GPHN: variants seen among roughly 807,000 people sequenced by gnomAD.
The protein encoded by GPHN is gephyrin.
A neutral mutation model predicts 95.5 loss-of-function variants in GPHN; 17 were observed. That is an observed-to-expected ratio of 0.18 (90% CI 0.12 to 0.27). The LOEUF (loss-of-function observed/expected upper bound fraction) is 0.27. Among genes scored for constraint, GPHN ranks in the 10% least tolerant of loss-of-function variants. The pLI is 1.00. For synonymous variants in GPHN, 320 were observed against 322.5 expected (o/e 0.99, Z 0.08); for missense variants, 660 against 978.1 (o/e 0.67, Z 4.34).
chr14:67,452,188 C>T, the GPHN span, among the ~76,000 whole-genome samples: 17 of 152,110 alleles, frequency 1.1e-4, no homozygotes, highest in East Asian at 5.8e-4. Context: ...AAAAATTAGC[C>T]GGGTGTGATG....
intron 21 of GPHN, among the ~76,000 whole-genome samples, chr14:67,171,826 C>T (rs1460806733): frequency 2.6e-5 from 4 of 152,154 alleles, no homozygotes; most frequent in Admixed American, 2.0e-4. Flanking sequence ...ACCATCGCAT[C>T]CCCCAGCTGG....
chr14:66,892,664 A>G (rs2064579145), intron 5 of GPHN, among the ~76,000 whole-genome samples: 1 of 152,224 alleles, frequency 6.6e-6, no homozygotes, highest in African/African-American at 2.4e-5. Flanking sequence ...AAGCCAGATT[A>G]TATAAGGACA....
At chr14:67,300,003 C>T in the GPHN span, among the ~76,000 whole-genome samples, 66 of 152,160 alleles carry the variant, frequency 4.3e-4, no homozygotes, top group African/African-American at 1.5e-3. Flanking sequence ...TTAAAAACAA[C>T]TTTTAGTTAC....
chr14:67,560,800 G>A, the GPHN span, among the ~76,000 whole-genome samples: 1 of 144,814 alleles, frequency 6.9e-6, no homozygotes, highest in South Asian at 2.1e-4. Flanking sequence ...GCACAATATC[G>A]GCTCTCTGCA....
intron 9 of GPHN, among the ~76,000 whole-genome samples, chr14:67,015,057 G>A (rs997442769): frequency 2.0e-5 from 3 of 152,196 alleles, no homozygotes; most frequent in Non-Finnish European, 4.4e-5. Context: ...AGAATAGAAA[G>A]TGTGTTCTAC....
chr14:67,272,784 G>A, the GPHN span, among the ~76,000 whole-genome samples: 4 of 152,028 alleles, frequency 2.6e-5, no homozygotes, highest in African/African-American at 9.7e-5. Flanking sequence ...TCAGCTTCCC[G>A]AGTAGCTGGG....
intron 9 of GPHN, among the ~76,000 whole-genome samples, chr14:66,986,343 A>C (rs1206577433): frequency 6.6e-6 from 1 of 152,090 alleles, no homozygotes; most frequent in Admixed American, 6.6e-5. Flanking sequence ...AATTTCAAAA[A>C]ACTGATACAA....
At chr14:67,296,194 C>T in the GPHN span, among the ~76,000 whole-genome samples, 3 of 151,930 alleles carry the variant, frequency 2.0e-5, no homozygotes, top group Admixed American at 1.3e-4. Context: ...TACCAGGAAG[C>T]GTAAGAAAGA....
intron 4 of GPHN, among the ~76,000 whole-genome samples, chr14:66,842,074 C>G (rs2062118518): frequency 1.0e-4 from 15 of 149,266 alleles, no homozygotes; most frequent in Admixed American, 9.4e-4. Context: ...CCCAACCCCC[C>G]CAGCCCCGCC....
chr14:67,107,708 C>G (rs2078124266), intron 13 of GPHN, among the ~76,000 whole-genome samples: 1 of 152,136 alleles, frequency 6.6e-6, no homozygotes, highest in African/African-American at 2.4e-5. Context: ...GCAGAAGCAG[C>G]AGATACCTTA....
the GPHN span, chr14:67,722,527 G>A: frequency 1.2e-6 from 1 of 849,498 alleles, no homozygotes; most frequent in Non-Finnish European, 2.1e-6. Flanking sequence ...GGACGGAGAG[G>A]AGCAGAGAAG....
chr14:67,237,793 C>A, the GPHN span, among the ~76,000 whole-genome samples: 7 of 152,284 alleles, frequency 4.6e-5, no homozygotes, highest in South Asian at 1.5e-3. Context: ...CACTACTCAT[C>A]CATAATATTT....
At chr14:66,773,932 A>G (rs572183428) in intron 2 of GPHN, among the ~76,000 whole-genome samples, 264 of 151,466 alleles carry the variant, frequency 1.7e-3, no homozygotes, top group Non-Finnish European at 2.9e-3. Context: ...GGCCCTAGAT[A>G]ATCTTTATAT....
chr14:67,534,989 G>A, the GPHN span, among the ~76,000 whole-genome samples: 1 of 152,170 alleles, frequency 6.6e-6, no homozygotes, highest in Non-Finnish European at 1.5e-5. Context: ...CCTTCAATAA[G>A]ATCATGTAAA....
At chr14:66,988,621 C>A (rs980501430) in intron 9 of GPHN, among the ~76,000 whole-genome samples, 1 of 152,000 alleles carries the variant, frequency 6.6e-6, no homozygotes, top group African/African-American at 2.4e-5. Context: ...TAGCATCTTA[C>A]AAATACTTGA....
the GPHN span, chr14:67,411,981 C>G: frequency 6.6e-7 from 1 of 1,518,520 alleles, no homozygotes; most frequent in Non-Finnish European, 8.8e-7. Context: ...GGCGGGGCCC[C>G]ACCCGGGCAA....
the GPHN span, among the ~76,000 whole-genome samples, chr14:67,537,054 T>A: frequency 1.4e-5 from 2 of 144,454 alleles, no homozygotes; most frequent in Non-Finnish European, 3.0e-5. Context: ...ATAATAATAA[T>A]AAAATAAAAA....
chr14:66,520,432 C>T (rs2058429612), intron 1 of GPHN, among the ~76,000 whole-genome samples: 1 of 152,040 alleles, frequency 6.6e-6, no homozygotes, highest in Non-Finnish European at 1.5e-5. Flanking sequence ...TTACTGAGCT[C>T]AAAATTAGCT....
At chr14:67,026,652 G>T (rs1341837517) in intron 10 of GPHN, among the ~76,000 whole-genome samples, 1 of 151,868 alleles carries the variant, frequency 6.6e-6, no homozygotes, top group African/African-American at 2.4e-5. Flanking sequence ...TGTTTGTTTT[G>T]TTTTGTTTTT....
Sources: gnomAD v4.1 joint callset for allele counts (sites outside exome capture counted in the v4.1 genomes callset) on GRCh38, gnomAD v4.1.1 for gene constraint, MANE v1.5 for transcripts, NCBI Gene and HGNC (gene_info 2026-07-23, HGNC 2026-07-21) for gene names.